The following CRB1 variants were observed in gnomAD, a reference collection of about 807,000 sequenced individuals.
CRB1 encodes protein crumbs homolog 1.
In CRB1, 83 loss-of-function variants were observed where a neutral mutation model predicts 120.0. The observed-to-expected ratio is 0.69, with a 90% CI of 0.58 to 0.83. CRB1 has a LOEUF of 0.83. Among genes scored for constraint, CRB1 ranks in the 40% least tolerant of loss-of-function variants. The probability of loss-of-function intolerance (pLI) is 0.00; values close to 1 mark genes in which losing one functional copy is unlikely to be tolerated. For synonymous variants in CRB1, 625 were observed against 612.5 expected (o/e 1.02, Z -0.30); for missense variants, 1,699 against 1,687.6 (o/e 1.01, Z -0.12).
chr1:197,355,426 C>T (rs1042620213), intron 4 of CRB1, among the ~76,000 whole-genome samples: 1 of 152,210 alleles, frequency 6.6e-6, no homozygotes, highest in Non-Finnish European at 1.5e-5. Context: ...GTTGATGGGA[C>T]CCGGCGCCGC....
At chr1:197,378,179 C>A (rs1227081417) in intron 5 of CRB1, among the ~76,000 whole-genome samples, 2 of 152,178 alleles carry the variant, frequency 1.3e-5, no homozygotes, top group African/African-American at 4.8e-5. Flanking sequence ...TATGTATGGG[C>A]AAGCCATTTT....
chr1:197,314,154 T>C (rs938707154), intron 1 of CRB1, among the ~76,000 whole-genome samples: 1 of 152,214 alleles, frequency 6.6e-6, no homozygotes, highest in African/African-American at 2.4e-5. Flanking sequence ...ACTGCAATTA[T>C]ATGGGAACCT....
chr1:197,367,232 G>T (rs941359278), intron 5 of CRB1, among the ~76,000 whole-genome samples: 1 of 152,098 alleles, frequency 6.6e-6, no homozygotes, highest in Non-Finnish European at 1.5e-5. Context: ...TTTCCAGTCC[G>T]GGGCACTGGG....
intron 11 of CRB1, among the ~76,000 whole-genome samples, chr1:197,453,512 A>ATG (rs201599640): frequency 0.16 from 20,363 of 130,384 alleles, 1,723 homozygotes; most frequent in Middle Eastern, 0.32. Flanking sequence ...GTGTATATAT[A>ATG]TGTGTGTGTG....
At chr1:197,252,237 A>G in the CRB1 span, among the ~76,000 whole-genome samples, 1 of 151,832 alleles carries the variant, frequency 6.6e-6, no homozygotes, top group African/African-American at 2.4e-5. Flanking sequence ...CTTGAATTTT[A>G]TATAATTTTT....
chr1:197,341,087 C>T (rs879888413), intron 2 of CRB1, among the ~76,000 whole-genome samples: 5 of 152,112 alleles, frequency 3.3e-5, no homozygotes, highest in Non-Finnish European at 5.9e-5. Flanking sequence ...GAAAGACCTG[C>T]CCCCATGATT....
At chr1:197,399,668 T>G (rs1662963521) in intron 5 of CRB1, among the ~76,000 whole-genome samples, 1 of 152,216 alleles carries the variant, frequency 6.6e-6, no homozygotes, top group African/African-American at 2.4e-5. Context: ...CTTAGCTGTA[T>G]TCTCTGCTTC....
intron 5 of CRB1, among the ~76,000 whole-genome samples, chr1:197,363,631 G>A (rs911355401): frequency 3.3e-5 from 5 of 152,140 alleles, no homozygotes; most frequent in Admixed American, 2.6e-4. Context: ...AGGAAGGCAG[G>A]TTTGCAGGCT....
At chr1:197,442,710 C>A in intron 11 of CRB1, 1 of 358,898 alleles carries the variant, frequency 2.8e-6, no homozygotes, top group Non-Finnish European at 4.7e-6. Flanking sequence ...ATGTGAATGA[C>A]CACTGCAATT....
the CRB1 span, among the ~76,000 whole-genome samples, chr1:197,213,217 C>A: frequency 6.6e-6 from 1 of 152,166 alleles, no homozygotes; most frequent in African/African-American, 2.4e-5. Context: ...GTGATTCAAA[C>A]CAACTCTCCT....
rs1360954675 is a variant in CRB1 at position 197,477,695 on chromosome 1, C to T, written c.4037C>T (p.Thr1346Ile). Reference sequence around the variant, plus strand: ...GATGACTTGATCTCCGACATTTTCACCACTATTGGCTCAGTGACTGTCGCC... The same window carrying T: ...GATGACTTGATCTCCGACATTTTCATCACTATTGGCTCAGTGACTGTCGCC... ...LADDLISDIF[T>I]TIGSVTVALL... is the part of the protein sequence containing the mutation. The change falls in exon 12 of 12, where the codon ACC (threonine) becomes ATC (isoleucine). Residue 1346 changes from threonine to isoleucine, a missense_variant. By Grantham distance (89) the Thr-to-Ile change is moderately conservative (BLOSUM62 -1). Coordinates refer to ENST00000367400, the MANE Select transcript of CRB1 (RefSeq NM_201253.3). The T allele has an allele frequency of 1.2e-6, 2 of 1,613,878 alleles. No homozygotes were observed. Among genetic ancestry groups the T allele is most frequent in the Non-Finnish European group, 1.7e-6 (2 of 1,179,838 alleles).
In CRB1 at chr1:197,328,490, G is replaced by A. The variant is rs1558056654; in HGVS notation, c.139G>A (p.Asp47Asn). The change falls in exon 2 of 12, where the codon GAT becomes AAT. Residue 47 changes from aspartate to asparagine, a missense_variant. By Grantham distance (23) the Asp-to-Asn change is conservative. Coordinates refer to ENST00000367400, the MANE Select transcript of CRB1 (RefSeq NM_201253.3). ...TTGCCAAAACAATTCTACATGCAAA[G>A]ATTTTTCAAAAGACAATGATTGTTC... Reference protein sequence around the residue: ...NSCQNNSTCKDFSKDNDCSCS... With the variant: ...NSCQNNSTCKNFSKDNDCSCS... 1 of 1,614,124 alleles carries A rather than the reference G, an allele frequency of 6.2e-7. No homozygotes were observed. The highest frequency in any genetic ancestry group is 8.5e-7 in the Non-Finnish European group (1 of 1,180,014).
chr1:197,223,845 C>G, the CRB1 span, among the ~76,000 whole-genome samples: 4 of 152,102 alleles, frequency 2.6e-5, no homozygotes, highest in Non-Finnish European at 5.9e-5. Flanking sequence ...GTGACCCATA[C>G]TCTAGTATGG....
the CRB1 span, among the ~76,000 whole-genome samples, chr1:197,216,283 T>C: frequency 6.6e-6 from 1 of 152,176 alleles, no homozygotes; most frequent in East Asian, 1.9e-4. Context: ...AGCTCCCATA[T>C]TAACATGGGT....
intron 1 of CRB1, among the ~76,000 whole-genome samples, chr1:197,278,723 T>G (rs1655360320): frequency 1.3e-5 from 2 of 151,910 alleles, no homozygotes; most frequent in African/African-American, 4.8e-5. Flanking sequence ...CTTTCCAACT[T>G]CCAGGGATCA....
chr1:197,463,300 A>C (rs1198046505), intron 11 of CRB1, among the ~76,000 whole-genome samples: 1 of 152,118 alleles, frequency 6.6e-6, no homozygotes, highest in Non-Finnish European at 1.5e-5. Context: ...CTAGAACTGA[A>C]AACAAAACCC....
At chr1:197,272,741 A>G (rs1309769412) in intron 1 of CRB1, among the ~76,000 whole-genome samples, 1 of 152,190 alleles carries the variant, frequency 6.6e-6, no homozygotes, top group Non-Finnish European at 1.5e-5. Context: ...TTATAGAGAC[A>G]TGGAATGATC....
intron 10 of CRB1, chr1:197,440,039 T>C (rs899770573): frequency 6.6e-6 from 1 of 152,258 alleles, no homozygotes; most frequent in African/African-American, 2.4e-5. Flanking sequence ...TTCTGCTTTC[T>C]GTTGCACCAA....
At chr1:197,277,554 A>C (rs1054927596) in intron 1 of CRB1, among the ~76,000 whole-genome samples, 5 of 152,028 alleles carry the variant, frequency 3.3e-5, no homozygotes, top group African/African-American at 1.2e-4. Flanking sequence ...ATTAAGCAAC[A>C]CCATTGAAAT....
Sources: allele counts gnomAD v4.1 joint callset (sites outside exome capture counted in the v4.1 genomes callset), GRCh38; gene constraint gnomAD v4.1.1; transcripts MANE v1.5; gene names NCBI Gene and HGNC (gene_info 2026-07-23, HGNC 2026-07-21).